The following GRIA1 variants were observed in gnomAD, a reference collection of about 807,000 sequenced individuals.
GRIA1 encodes glutamate receptor 1.
Under a neutral mutation model 99.2 loss-of-function variants are expected in GRIA1, and 31 were observed. The ratio of observed to expected loss-of-function variants is 0.31; its 90% CI spans 0.23 to 0.42. GRIA1 has a LOEUF of 0.42. Among genes scored for constraint, GRIA1 ranks in the 10% least tolerant of loss-of-function variants. GRIA1 has a pLI of 1.00. For synonymous variants in GRIA1, 438 were observed against 432.4 expected (o/e 1.01, Z -0.16); for missense variants, 782 against 1,157.5 (o/e 0.68, Z 4.71).
chr5:153,639,167 A>G (rs72802658), intron 2 of GRIA1, among the ~76,000 whole-genome samples: 464 of 152,244 alleles, frequency 3.0e-3, no homozygotes, highest in Non-Finnish European at 5.0e-3. Flanking sequence ...TCTCTCATCC[A>G]TGGACTGGAC....
intron 11 of GRIA1, among the ~76,000 whole-genome samples, chr5:153,758,291 T>C (rs1258318356): frequency 1.3e-5 from 2 of 151,900 alleles, no homozygotes; most frequent in African/African-American, 4.8e-5. Context: ...AAGACCCAAT[T>C]ATATGCCACT....
chr5:153,524,304 A>T (rs1262382904), intron 2 of GRIA1, among the ~76,000 whole-genome samples: 1 of 152,190 alleles, frequency 6.6e-6, no homozygotes, highest in Non-Finnish European at 1.5e-5. Context: ...TCCAGCCTGG[A>T]AACAGAGTGA....
chr5:153,654,605 T>C (rs1284318154), intron 4 of GRIA1, among the ~76,000 whole-genome samples: 1 of 152,190 alleles, frequency 6.6e-6, no homozygotes, highest in East Asian at 1.9e-4. Flanking sequence ...AAAGAATTCA[T>C]TGTGTGTGCT....
At chr5:153,610,224 G>A (rs932664809) in intron 2 of GRIA1, among the ~76,000 whole-genome samples, 6 of 152,216 alleles carry the variant, frequency 3.9e-5, no homozygotes, top group African/African-American at 1.4e-4. Context: ...CTCCCAGGGA[G>A]TGTGAAGTCC....
At chr5:153,619,773 G>T (rs894506055) in intron 2 of GRIA1, among the ~76,000 whole-genome samples, 4 of 152,092 alleles carry the variant, frequency 2.6e-5, no homozygotes, top group African/African-American at 9.7e-5. Flanking sequence ...GGCCTTTCTG[G>T]CCTCTTAAAA....
At chr5:153,572,592 C>T (rs1360889160) in intron 2 of GRIA1, among the ~76,000 whole-genome samples, 1 of 152,128 alleles carries the variant, frequency 6.6e-6, no homozygotes, top group Non-Finnish European at 1.5e-5. Flanking sequence ...GGCAAAAGTG[C>T]CAGGGTGTTG....
intron 8 of GRIA1, among the ~76,000 whole-genome samples, chr5:153,690,754 G>A (rs1757686087): frequency 6.6e-6 from 1 of 152,112 alleles, no homozygotes; most frequent in Non-Finnish European, 1.5e-5. Context: ...AGATCCCAGG[G>A]CTGTTTTTAA....
chr5:153,674,418 G>GA, intron 5 of GRIA1, 82 bp from the exon 6 acceptor site: 10 of 1,501,950 alleles, frequency 6.7e-6, no homozygotes, highest in Non-Finnish European at 9.2e-6. Context: ...GAACTGAATG[G>GA]AAAATCCTGT....
At chr5:153,557,096 G>A (rs1760715197) in intron 2 of GRIA1, among the ~76,000 whole-genome samples, 1 of 152,176 alleles carries the variant, frequency 6.6e-6, no homozygotes. Flanking sequence ...TAGTACACCT[G>A]TATAAGGCAC....
intron 2 of GRIA1, among the ~76,000 whole-genome samples, chr5:153,503,567 C>T (rs1240289270): frequency 6.6e-6 from 1 of 152,098 alleles, no homozygotes; most frequent in Non-Finnish European, 1.5e-5. Context: ...GTGTTCATTA[C>T]CCATAAATGA....
chr5:153,496,768 A>G (rs908313716), intron 2 of GRIA1, among the ~76,000 whole-genome samples: 2 of 152,194 alleles, frequency 1.3e-5, no homozygotes, highest in African/African-American at 4.8e-5. Flanking sequence ...AAAGCAAGAA[A>G]AGCATCTTAT....
intron 2 of GRIA1, among the ~76,000 whole-genome samples, chr5:153,544,225 T>A (rs555209865): frequency 1.6e-4 from 24 of 152,328 alleles, no homozygotes; most frequent in Admixed American, 9.2e-4. Flanking sequence ...AGTCTTTTCC[T>A]TGGTAACCTC....
chr5:153,595,587 C>T (rs77418167), intron 2 of GRIA1, among the ~76,000 whole-genome samples: 5,582 of 151,850 alleles, frequency 0.037, 357 homozygotes, highest in African/African-American at 0.13. Context: ...TTTACATATC[C>T]AGTCATTTAT....
intron 2 of GRIA1, among the ~76,000 whole-genome samples, chr5:153,501,572 G>C (rs1755015860): frequency 6.6e-6 from 1 of 152,196 alleles, no homozygotes; most frequent in African/African-American, 2.4e-5. Flanking sequence ...GCAGAGAAGT[G>C]CCGTGTTTAG....
intron 11 of GRIA1, among the ~76,000 whole-genome samples, chr5:153,734,032 T>C (rs115695892): frequency 7.9e-5 from 12 of 152,272 alleles, no homozygotes; most frequent in Non-Finnish European, 1.8e-4. Context: ...TGCAGAACAT[T>C]CCATCCAAAA....
At chr5:153,510,651 G>A (rs557985721) in intron 2 of GRIA1, among the ~76,000 whole-genome samples, 1 of 152,260 alleles carries the variant, frequency 6.6e-6, no homozygotes, top group South Asian at 2.1e-4. Context: ...TTGAAGGTCA[G>A]GAATAAGTAT....
intron 2 of GRIA1, among the ~76,000 whole-genome samples, chr5:153,566,779 C>A (rs1390582943): frequency 5.8e-5 from 8 of 137,370 alleles, no homozygotes; most frequent in African/African-American, 2.1e-4. Context: ...TGCAATGGCA[C>A]AATCTCGGCT....
intron 10 of GRIA1, among the ~76,000 whole-genome samples, chr5:153,704,979 G>A (rs966839453): frequency 6.6e-6 from 1 of 152,146 alleles, no homozygotes; most frequent in Non-Finnish European, 1.5e-5. Flanking sequence ...AATATCTATT[G>A]AGTTAAATTG....
intron 2 of GRIA1, among the ~76,000 whole-genome samples, chr5:153,519,875 T>C (rs545462289): frequency 6.6e-6 from 1 of 152,324 alleles, no homozygotes; most frequent in Non-Finnish European, 1.5e-5. Context: ...TATATTCTAA[T>C]AATCTATTTT....
Sources: allele counts gnomAD v4.1 joint callset (sites outside exome capture counted in the v4.1 genomes callset), GRCh38; gene constraint gnomAD v4.1.1; transcripts MANE v1.5; gene names NCBI Gene and HGNC (gene_info 2026-07-23, HGNC 2026-07-21).